GPHN: variants seen among roughly 807,000 people sequenced by gnomAD.
The protein encoded by GPHN is gephyrin.
Under a neutral mutation model 95.5 loss-of-function variants are expected in GPHN, and 17 were observed. That is an observed-to-expected ratio of 0.18 (90% CI 0.12 to 0.27). The LOEUF (loss-of-function observed/expected upper bound fraction) is 0.27, where lower values mean the gene tolerates loss of function less well. GPHN is among the 10% of genes least tolerant of loss of function. The probability of loss-of-function intolerance (pLI) is 1.00; values close to 1 mark genes in which losing one functional copy is unlikely to be tolerated. For synonymous variants in GPHN, 320 were observed against 322.5 expected (o/e 0.99, Z 0.08); for missense variants, 660 against 978.1 (o/e 0.67, Z 4.34).
intron 10 of GPHN, among the ~76,000 whole-genome samples, chr14:67,042,973 A>G (rs2074792184): frequency 6.6e-6 from 1 of 151,966 alleles, no homozygotes; most frequent in African/African-American, 2.4e-5. Flanking sequence ...ATTCCTAGGT[A>G]TTTTATTCTC....
chr14:66,564,532 T>A (rs969021800), intron 1 of GPHN, among the ~76,000 whole-genome samples: 1 of 152,192 alleles, frequency 6.6e-6, no homozygotes, highest in Non-Finnish European at 1.5e-5. Context: ...GAGACTTTCC[T>A]AAATCCTAAA....
intron 17 of GPHN, among the ~76,000 whole-genome samples, chr14:67,126,756 A>G (rs2079342803): frequency 6.6e-6 from 1 of 152,086 alleles, no homozygotes; most frequent in South Asian, 2.1e-4. Context: ...GTGTATACCC[A>G]AAGGACTATA....
chr14:67,114,091 G>A (rs1033950137), intron 16 of GPHN, among the ~76,000 whole-genome samples: 16 of 152,080 alleles, frequency 1.1e-4, no homozygotes, highest in African/African-American at 3.9e-4. Context: ...AGTCCTTTTG[G>A]TTAAAGCAAA....
the GPHN span, chr14:67,392,944 G>T: frequency 9.2e-7 from 1 of 1,084,078 alleles, no homozygotes; most frequent in Non-Finnish European, 1.3e-6. Context: ...CCTCTGGGCA[G>T]CCTCAGGGCT....
At chr14:67,657,792 G>C in the GPHN span, among the ~76,000 whole-genome samples, 1 of 138,126 alleles carries the variant, frequency 7.2e-6, no homozygotes, top group African/African-American at 2.7e-5. Context: ...TCTGTCGCCC[G>C]GGCTGGAGTG....
intron 8 of GPHN, among the ~76,000 whole-genome samples, chr14:66,948,618 A>T (rs1185158146): frequency 2.6e-5 from 4 of 152,192 alleles, no homozygotes; most frequent in Non-Finnish European, 2.9e-5. Context: ...TCACTGATAA[A>T]ACTTTTTTTT....
chr14:66,664,623 A>G (rs1391324088), intron 1 of GPHN, among the ~76,000 whole-genome samples: 1 of 152,146 alleles, frequency 6.6e-6, no homozygotes, highest in Non-Finnish European at 1.5e-5. Context: ...GACAAGAAAT[A>G]ACCAGAATCA....
At chr14:67,680,978 T>C in the GPHN span, among the ~76,000 whole-genome samples, 3 of 152,204 alleles carry the variant, frequency 2.0e-5, no homozygotes, top group African/African-American at 4.8e-5. Context: ...TTATGGTCAA[T>C]TGATTTTTGA....
At chr14:67,619,805 A>G in the GPHN span, 2 of 550,210 alleles carry the variant, frequency 3.6e-6, no homozygotes, top group South Asian at 4.3e-5. Flanking sequence ...CCTGCGAAGA[A>G]GGTGTGCCGG....
the GPHN span, chr14:67,241,184 C>A: frequency 6.6e-6 from 1 of 152,248 alleles, no homozygotes; most frequent in African/African-American, 2.4e-5. Context: ...GGCGCTCTCT[C>A]CGCTCCGGCT....
chr14:67,040,276 C>G (rs1223705388), intron 10 of GPHN, among the ~76,000 whole-genome samples: 1 of 151,990 alleles, frequency 6.6e-6, no homozygotes, highest in East Asian at 1.9e-4. Flanking sequence ...GTCACATTTC[C>G]TTTATCATTT....
chr14:66,531,118 G>C (rs1175402765), intron 1 of GPHN, among the ~76,000 whole-genome samples: 2 of 151,794 alleles, frequency 1.3e-5, no homozygotes, highest in Non-Finnish European at 2.9e-5. Context: ...GCTGAGTTTT[G>C]TACTTTTAGT....
At chr14:67,280,837 T>TTCCTTCCTTCCTTCCTTCCC in the GPHN span, among the ~76,000 whole-genome samples, 3 of 133,446 alleles carry the variant, frequency 2.2e-5, no homozygotes, top group African/African-American at 9.5e-5. Context: ...CCTTCCTTCC[T>TTCCTTCCTTCCTTCCTTCCC]TCCTTCCTTC....
At chr14:67,533,365 G>T in the GPHN span, 1 of 151,698 alleles carries the variant, frequency 6.6e-6, no homozygotes, top group Non-Finnish European at 1.5e-5. Flanking sequence ...CGTGTGCCCA[G>T]TGCGCGGCGG....
Position 66,977,355 on chromosome 14 carries a change from C to T in GPHN, c.963+12030C>T, listed in dbSNP as rs569118741. On this transcript the variant is annotated intron_variant, in intron 9 of 22. Transcript: ENST00000478722. ...CTGAGGCAGGAGAATCACTTGAACC[C>T]GGGAGGCGGAGGTTGCAGTGAGCCA... is the stretch of plus-strand genomic sequence containing the variant. 1.4e-4 allele frequency among the ~76,000 whole-genome samples: 21 copies of T among 151,868 alleles called. No homozygotes were observed. The East Asian group carries it at 2.5e-3, about 18-fold the overall frequency.
At chr14:67,059,709 C>T (rs539330463) in intron 11 of GPHN, among the ~76,000 whole-genome samples, 345 of 152,282 alleles carry the variant, frequency 2.3e-3, no homozygotes, top group African/African-American at 7.7e-3. Flanking sequence ...AAAATAATGG[C>T]AGCTAACTTA....
chr14:67,707,959 A>T, the GPHN span, among the ~76,000 whole-genome samples: 1 of 152,222 alleles, frequency 6.6e-6, no homozygotes, highest in Non-Finnish European at 1.5e-5. Context: ...TTCCAAGGGA[A>T]AGCACACCAT....
chr14:67,202,725 G>A, the GPHN span, among the ~76,000 whole-genome samples: 1 of 152,138 alleles, frequency 6.6e-6, no homozygotes, highest in Non-Finnish European at 1.5e-5. Flanking sequence ...GTGTAAATGT[G>A]TGTACCTCCC....
chr14:67,258,935 C>T, the GPHN span, among the ~76,000 whole-genome samples: 8 of 152,026 alleles, frequency 5.3e-5, no homozygotes, highest in African/African-American at 1.7e-4. Flanking sequence ...TCCCACCTCC[C>T]GGGTTCAAGT....
Sources: allele counts gnomAD v4.1 joint callset (sites outside exome capture counted in the v4.1 genomes callset), GRCh38; gene constraint gnomAD v4.1.1; transcripts MANE v1.5; gene names NCBI Gene and HGNC (gene_info 2026-07-23, HGNC 2026-07-21).